Variants in DCP2 observed in about 807,000 individuals in gnomAD.
DCP2 encodes the protein decapping mRNA 2.
In DCP2, 30 loss-of-function variants were observed where a neutral mutation model predicts 56.1. The ratio of observed to expected loss-of-function variants is 0.53; its 90% CI spans 0.40 to 0.73. The LOEUF is 0.73. Ranked by LOEUF, DCP2 falls within the 30% of genes least tolerant of loss-of-function variation. DCP2 has a pLI of 0.00. For synonymous variants in DCP2, 197 were observed against 163.3 expected (o/e 1.21, Z -1.57); for missense variants, 533 against 502.7 (o/e 1.06, Z -0.58).
chr5:113,008,108 C>A, intron 9 of DCP2, 66 bp downstream of exon 9: 1 of 1,296,194 alleles, frequency 7.7e-7, no homozygotes, highest in Non-Finnish European at 1.1e-6. Context: ...AAGGGCATTG[C>A]CAAAGCACAG....
rs1177490767 is a variant in DCP2 at position 113,020,356 on chromosome 5, G to A, written c.*6872G>A. On this transcript the variant is annotated 3_prime_UTR_variant, in exon 11 of 11. Transcript: ENST00000389063. Reference sequence around the variant, plus strand: ...GTTTTACCTTATAGGGCATTTTAATGCTTGGAGAAAGACTATAAGTGAATC... The same window carrying A: ...GTTTTACCTTATAGGGCATTTTAATACTTGGAGAAAGACTATAAGTGAATC... 1 of 122,130 alleles carries A rather than the reference G, an allele frequency of 8.2e-6. No homozygotes were observed. Among genetic ancestry groups the A allele is most frequent in the East Asian group, 3.0e-4 (1 of 3,332 alleles). 7.6% of individuals were successfully genotyped at this position (122,130 alleles called of 1,614,324 possible).
At chr5:112,991,760 G>C (rs1389807464) in intron 2 of DCP2, among the ~76,000 whole-genome samples, 1 of 152,064 alleles carries the variant, frequency 6.6e-6, no homozygotes, top group African/African-American at 2.4e-5. Context: ...TTATGAATTT[G>C]ACTCACTTAA....
intron 1 of DCP2, among the ~76,000 whole-genome samples, chr5:112,985,390 A>G (rs960195967): frequency 6.6e-6 from 1 of 152,228 alleles, no homozygotes; most frequent in Non-Finnish European, 1.5e-5. Flanking sequence ...AAGTCCTAGT[A>G]TATTAATGAG....
rs187595801 is a variant in DCP2 at position 113,014,952 on chromosome 5, T to C, written c.*1468T>C. The C allele has an allele frequency of 3.3e-5, 5 of 152,792 alleles. No homozygotes were observed. Among genetic ancestry groups the C allele is most frequent in the Admixed American group, 2.6e-4 (4 of 15,312 alleles). The allele number at this position is 152,792 out of a possible 1,614,324, so 9.5% of individuals were successfully genotyped here. On this transcript the variant is annotated 3_prime_UTR_variant, in exon 11 of 11. Coordinates refer to ENST00000389063, the MANE Select transcript of DCP2 (RefSeq NM_152624.6). The stretch of plus-strand genomic sequence containing the variant: ...TTAAGGAATTCACTTGGTAGTACTT[T>C]GCTTTAGCTTTTAAATGGCTTGATT...
chr5:112,998,034 T>G (rs1748947688), intron 4 of DCP2, among the ~76,000 whole-genome samples: 1 of 152,262 alleles, frequency 6.6e-6, no homozygotes, highest in Non-Finnish European at 1.5e-5. Context: ...ATAGATTTGA[T>G]TCACAGGAGG....
At chr5:113,004,385 T>C (rs1285792328) in intron 8 of DCP2, among the ~76,000 whole-genome samples, 2 of 152,372 alleles carry the variant, frequency 1.3e-5, no homozygotes, top group South Asian at 4.1e-4. Flanking sequence ...TCTATTGGCT[T>C]TTGTTCAGGA....
At chr5:112,984,775 GC>G (rs1263140657) in intron 1 of DCP2, 1 of 142,188 alleles carries the variant, frequency 7.0e-6, no homozygotes, top group African/African-American at 2.7e-5. Flanking sequence ...CATGATCATA[GC>G]CCACTGCAGC....
Position 113,001,482 on chromosome 5 carries a change from T to G in DCP2, c.698+13T>G. On this transcript the variant is annotated intron_variant, in intron 6 of 10. Coordinates refer to ENST00000389063, the MANE Select transcript of DCP2 (RefSeq NM_152624.6). ...TTCCCTTTATCAGGTGTGTTCATAT[T>G]TCTTGAAATGTAACTTTCATGATTG... The G allele has an allele frequency of 6.2e-7, 1 of 1,610,708 alleles. No individual in the cohort carries two copies. Among genetic ancestry groups the G allele is most frequent in the Non-Finnish European group, 8.5e-7 (1 of 1,177,312 alleles).
chr5:112,979,973 T>A (rs1018291102), intron 1 of DCP2, among the ~76,000 whole-genome samples: 9 of 152,214 alleles, frequency 5.9e-5, no homozygotes, highest in African/African-American at 1.4e-4. Flanking sequence ...CTGGTTACTT[T>A]CTGAGTGGAG....
At position 113,019,906 on chromosome 5, in the gene DCP2, T is replaced by C. The variant is rs1357479122; in HGVS notation, c.*6422T>C. The C allele has an allele frequency of 2.6e-5, 4 of 152,238 alleles. No homozygotes were observed. The highest frequency in any genetic ancestry group is 9.6e-5 in the African/African-American group (4 of 41,476). 9.4% of individuals were successfully genotyped at this position (152,238 alleles called of 1,614,324 possible). On this transcript the variant is annotated 3_prime_UTR_variant, in exon 11 of 11. Coordinates refer to ENST00000389063, the MANE Select transcript of DCP2 (RefSeq NM_152624.6). ...TTTAAGTGAAGTTCTCTTAATAAGA[T>C]TGCCTTTTGTCTAACCGAAATAGGG...
chr5:113,016,730 C>CAG lies in DCP2; in HGVS notation c.*3246_*3247insAG, dbSNP rs1749901510. ...TCACTACCTATTCTCTCATGGACTT[C>CAG]TCATCCTTTCTTTTTTCATCTCCAA... On this transcript the variant is annotated 3_prime_UTR_variant, in exon 11 of 11. Transcript: ENST00000389063. 6.6e-6 allele frequency: 1 copy of CAG among 151,994 alleles called. No homozygotes were observed. The highest frequency in any genetic ancestry group is 1.5e-5 in the Non-Finnish European group (1 of 68,004). The allele number at this position is 151,994 out of a possible 1,614,324, so 9.4% of individuals were successfully genotyped here. A position where few individuals can be genotyped will look rare whatever the true frequency, so the allele number is the denominator to read the frequency against.
At position 113,020,342 on chromosome 5, in the gene DCP2, T is replaced by C. The variant is rs574028305; in HGVS notation, c.*6858T>C. On this transcript the variant is annotated 3_prime_UTR_variant, in exon 11 of 11. Transcript: ENST00000389063. ...TATAGCAATGTTTTGTTTTACCTTA[T>C]AGGGCATTTTAATGCTTGGAGAAAG... The C allele has an allele frequency of 5.4e-4, 78 of 145,552 alleles. No homozygotes were observed. Among genetic ancestry groups the C allele is most frequent in the African/African-American group, 1.9e-3 (78 of 40,702 alleles). The allele number at this position is 145,552 out of a possible 1,614,324, so 9.0% of individuals were successfully genotyped here. A position where few individuals can be genotyped will look rare whatever the true frequency, so the allele number is the denominator to read the frequency against.
At chr5:113,001,855 A>G (rs541860655) in intron 7 of DCP2, among the ~76,000 whole-genome samples, 181 bp downstream of exon 7, 2 of 152,174 alleles carry the variant, frequency 1.3e-5, no homozygotes, top group African/African-American at 4.8e-5. Flanking sequence ...AAAAAGGTTA[A>G]TTGGAGTTGG....
chr5:112,997,098 A>G lies in DCP2; in HGVS notation c.433-3986A>G, dbSNP rs141499048. The stretch of plus-strand genomic sequence containing the variant: ...AACTGGTCTGTTTTGGGATTTGGCT[A>G]TTAGCTCTTTTTCTCCACATATCTT... On this transcript the variant is annotated intron_variant, in intron 4 of 10. Transcript: ENST00000389063. Among the ~76,000 whole-genome samples, 592 of 152,284 alleles carry G rather than the reference A, an allele frequency of 3.9e-3. 9 individuals are homozygous for G. Among genetic ancestry groups the G allele is most frequent in the African/African-American group, 0.013 (522 of 41,558 alleles).
intron 1 of DCP2, among the ~76,000 whole-genome samples, chr5:112,978,651 C>A (rs1447915319): frequency 6.7e-6 from 1 of 149,882 alleles, no homozygotes. Flanking sequence ...TCAAATGAAC[C>A]ACTGAAAAGG....
intron 2 of DCP2, among the ~76,000 whole-genome samples, chr5:112,991,724 A>G (rs1460509612): frequency 1.3e-5 from 2 of 152,140 alleles, no homozygotes; most frequent in African/African-American, 2.4e-5. Context: ...TCTTGTTATT[A>G]CGCTAATATA....
chr5:112,977,959 T>G (rs973256456), intron 1 of DCP2, among the ~76,000 whole-genome samples: 156 of 150,364 alleles, frequency 1.0e-3, no homozygotes, highest in African/African-American at 3.6e-3. Context: ...TTTTTTGGGG[T>G]TTTTTTTGTT....
chr5:112,982,275 T>C (rs551071122), intron 1 of DCP2, among the ~76,000 whole-genome samples: 1 of 152,318 alleles, frequency 6.6e-6, no homozygotes, highest in East Asian at 1.9e-4. Context: ...GACAGAATCC[T>C]TTTTTCCCTT....
At chr5:113,010,646 GTTTT>G in intron 9 of DCP2, 106 bp from the exon 10 acceptor site, 1 of 1,229,408 alleles carries the variant, frequency 8.1e-7, no homozygotes, top group Non-Finnish European at 1.1e-6. Context: ...TCCTGGTTCA[GTTTT>G]TCTTCCTGAG....
Sources: gnomAD v4.1 joint callset for allele counts (sites outside exome capture counted in the v4.1 genomes callset) on GRCh38, gnomAD v4.1.1 for gene constraint, MANE v1.5 for transcripts, NCBI Gene and HGNC (gene_info 2026-07-23, HGNC 2026-07-21) for gene names.